SIK3: variants seen among roughly 807,000 people sequenced by gnomAD.
The protein encoded by SIK3 is serine/threonine-protein kinase SIK3.
In SIK3, 28 loss-of-function variants were observed where a neutral mutation model predicts 144.2. The ratio of observed to expected loss-of-function variants is 0.19; its 90% confidence interval spans 0.14 to 0.27. SIK3 has a LOEUF of 0.27. SIK3 is among the 10% of genes least tolerant of loss of function. The pLI is 1.00. For synonymous variants in SIK3, 686 were observed against 676.3 expected (o/e 1.01, Z -0.22); for missense variants, 1,319 against 1,776.0 (o/e 0.74, Z 4.62).
Position 116,858,679 on chromosome 11 carries a change from G to A in SIK3, c.2786C>T (p.Ser929Phe), listed in dbSNP as rs1943129786. The change falls in exon 21 of 25, where the codon TCC becomes TTC. Residue 929 changes from serine (S) to phenylalanine (F), a missense_variant. This residue lies in a region of SIK3 where 646 missense variants were observed against 763.7 expected (regional missense o/e 0.85). Coordinates refer to ENST00000445177, the MANE Select transcript of SIK3 (RefSeq NM_001366686.3). The surrounding 1 kb of genome is among the most constrained non-coding windows in gnomAD (Gnocchi z 5.4). ...EAHSLNVNRF[S>F]PANYDQAHLH... is the part of the protein sequence containing the mutation. ...ATGCGCCTGGTCGTAGTTAGCAGGG[G>A]AGAACCGATTCACGTTCAAGCTGCA... 4 of 1,545,048 alleles carry A rather than the reference G, an allele frequency of 2.6e-6. No homozygotes were observed. Among genetic ancestry groups the A allele is most frequent in the Non-Finnish European group, 3.5e-6 (4 of 1,145,156 alleles).
intron 4 of SIK3, among the ~76,000 whole-genome samples, chr11:116,897,528 T>A (rs1011562444): frequency 1.3e-5 from 2 of 152,218 alleles, no homozygotes; most frequent in African/African-American, 4.8e-5. Flanking sequence ...TCAGTTTATG[T>A]CAGCAAAAAT....
chr11:116,922,148 C>T (rs967415948), intron 4 of SIK3, among the ~76,000 whole-genome samples: 17 of 152,262 alleles, frequency 1.1e-4, no homozygotes, highest in African/African-American at 3.6e-4. Flanking sequence ...CCAGGGAACA[C>T]TTATTCTCTC....
rs1305197500 is a variant in SIK3 at position 116,873,624 on chromosome 11, G to A, written c.1594C>T (p.Leu532=). The stretch of plus-strand genomic sequence containing the variant: ...AACAGCTGTAGCGTGGGCGGCTGTA[G>A]GAGAGACTGCTCCTGCCAGGAACAG... ...GQLEYKEQSL[L]QPPTLQLLNG... The change falls in exon 13 of 25, where the codon CTA becomes TTA. Residue 532 remains leucine, a synonymous_variant. Coordinates refer to ENST00000445177, the MANE Select transcript of SIK3 (RefSeq NM_001366686.3). 1 of 1,557,978 alleles carries A rather than the reference G, an allele frequency of 6.4e-7. No individual in the cohort carries two copies. The highest frequency in any genetic ancestry group is 8.6e-7 in the Non-Finnish European group (1 of 1,156,104).
In SIK3 at chr11:116,844,642, A is replaced by ATATATATAATATATATAT. The variant is rs1565345727; in HGVS notation, c.*1000_*1001insATATATATATTATATATA. 19 of 79,464 alleles carry ATATATATAATATATATAT rather than the reference A, an allele frequency of 2.4e-4. No individual in the cohort carries two copies. Among genetic ancestry groups the ATATATATAATATATATAT allele is most frequent in the South Asian group, 2.2e-3 (6 of 2,684 alleles). The allele number at this position is 79,464 out of a possible 1,614,324, so 4.9% of individuals were successfully genotyped here. ...TAATATATATATAATATATTATATT[A>ATATATATAATATATATAT]TATATTATATATATAATATATATAT... On this transcript the variant is annotated 3_prime_UTR_variant, in exon 25 of 25. Coordinates refer to ENST00000445177, the MANE Select transcript of SIK3 (RefSeq NM_001366686.3).
At chr11:117,007,603 G>C (rs1175060955) in intron 1 of SIK3, among the ~76,000 whole-genome samples, 2 of 152,144 alleles carry the variant, frequency 1.3e-5, no homozygotes, top group African/African-American at 4.8e-5. Context: ...TATGTGTGTT[G>C]GGGGATCCTA....
chr11:117,010,749 T>G (rs527525024), intron 1 of SIK3, among the ~76,000 whole-genome samples: 21 of 152,256 alleles, frequency 1.4e-4, no homozygotes, highest in African/African-American at 4.3e-4. Flanking sequence ...AAAAATAATT[T>G]TTTAAAGAAA....
chr11:116,876,749 C>T (rs1175251673), intron 7 of SIK3, among the ~76,000 whole-genome samples, 175 bp downstream of exon 7: 1 of 152,226 alleles, frequency 6.6e-6, no homozygotes, highest in Non-Finnish European at 1.5e-5. Flanking sequence ...CACTATTCTC[C>T]AGCAGTTTAA....
rs1943167884 is a variant in SIK3 at position 116,859,248 on chromosome 11, A to T, written c.2765+17T>A. 1.3e-6 allele frequency: 2 copies of T among 1,584,058 alleles called. No homozygotes were observed. Among genetic ancestry groups the T allele is most frequent in the Non-Finnish European group, 1.7e-6 (2 of 1,160,708 alleles). ...GATCCCATGCATAGATGGCTGGGTG[A>T]CGTTAGGCGGTCTTACCTGTGAGCC... On this transcript the variant is annotated intron_variant, in intron 20 of 24. Transcript: ENST00000445177.
chr11:116,947,531 A>ATACG (rs1948718922), intron 3 of SIK3, among the ~76,000 whole-genome samples: 1 of 125,022 alleles, frequency 8.0e-6, no homozygotes, highest in African/African-American at 3.0e-5. Flanking sequence ...ATATATATAT[A>ATACG]TATGTATGTA....
At chr11:116,947,531 A>ATATATGTATG (rs1555107761) in intron 3 of SIK3, among the ~76,000 whole-genome samples, 10 of 125,040 alleles carry the variant, frequency 8.0e-5, no homozygotes, top group South Asian at 2.4e-4. Context: ...ATATATATAT[A>ATATATGTATG]TATGTATGTA....
At chr11:116,990,739 T>C (rs1273510521) in intron 1 of SIK3, among the ~76,000 whole-genome samples, 5 of 152,108 alleles carry the variant, frequency 3.3e-5, no homozygotes, top group Admixed American at 2.6e-4. Context: ...CTAAACTGAT[T>C]ATATTTTCTT....
chr11:116,907,987 TA>T (rs34564120), intron 4 of SIK3, among the ~76,000 whole-genome samples: 63,635 of 138,488 alleles, frequency 0.46, 16,891 homozygotes, highest in Non-Finnish European at 0.63. Flanking sequence ...CGTTTTTATT[TA>T]AAAAAAAAAA....
intron 18 of SIK3, among the ~76,000 whole-genome samples, chr11:116,861,587 C>T (rs1943332528): frequency 1.3e-5 from 2 of 152,120 alleles, no homozygotes; most frequent in South Asian, 2.1e-4. Flanking sequence ...GCCAAAATGG[C>T]AGAGTTCATT....
chr11:116,890,784 G>A (rs76561792), intron 6 of SIK3, among the ~76,000 whole-genome samples: 9,461 of 152,122 alleles, frequency 0.062, 972 homozygotes, highest in African/African-American at 0.22. Context: ...CTCGGCAGTG[G>A]GAAATGCTCC....
At chr11:116,965,301 A>G (rs656434) in intron 1 of SIK3, among the ~76,000 whole-genome samples, 1 of 152,172 alleles carries the variant, frequency 6.6e-6, no homozygotes, top group Non-Finnish European at 1.5e-5. Flanking sequence ...TTATTGTTGC[A>G]AAGTGCCAAC....
chr11:116,943,043 T>C (rs576239806), intron 3 of SIK3, among the ~76,000 whole-genome samples: 19 of 152,294 alleles, frequency 1.2e-4, no homozygotes, highest in Middle Eastern at 3.4e-3. Flanking sequence ...TGATAAGTGA[T>C]TGAATTCAGC....
At position 117,011,961 on chromosome 11, in the gene SIK3, G is replaced by A. The variant is rs1489552176; in HGVS notation, c.274-54897C>T. On this transcript the variant is annotated intron_variant, in intron 1 of 24. Coordinates refer to ENST00000445177, the MANE Select transcript of SIK3 (RefSeq NM_001366686.3). Reference sequence around the variant, plus strand: ...CTTGGCGGTCTGGCTATCAATACAAGCCCAATCTGGTTATCCCCTAAACAC... The same window carrying A: ...CTTGGCGGTCTGGCTATCAATACAAACCCAATCTGGTTATCCCCTAAACAC... Among the ~76,000 whole-genome samples the A allele has an allele frequency of 3.3e-5, 5 of 151,932 alleles. 1 individual carries two copies. Among genetic ancestry groups the A allele is most frequent in the African/African-American group, 1.2e-4 (5 of 41,358 alleles).
chr11:116,899,354 A>G (rs1016842787), intron 4 of SIK3, among the ~76,000 whole-genome samples: 2 of 152,082 alleles, frequency 1.3e-5, no homozygotes, highest in Non-Finnish European at 1.5e-5. Context: ...TACCAGTACC[A>G]TGCTGTTTTG....
At chr11:116,990,444 A>G (rs1018273447) in intron 1 of SIK3, among the ~76,000 whole-genome samples, 2 of 152,234 alleles carry the variant, frequency 1.3e-5, no homozygotes, top group Non-Finnish European at 2.9e-5. Context: ...TATAACCTAC[A>G]TACATTAACG....
Sources: allele counts gnomAD v4.1 joint callset (sites outside exome capture counted in the v4.1 genomes callset), GRCh38; gene constraint gnomAD v4.1.1; regional missense constraint gnomAD v4.1.1; non-coding constraint Gnocchi (gnomAD v3.1); transcripts MANE v1.5; gene names NCBI Gene and HGNC (gene_info 2026-07-23, HGNC 2026-07-21).